Variants in MACROD2 observed in about 807,000 individuals in gnomAD.
The protein encoded by MACROD2 is mono-ADP ribosylhydrolase 2.
MACROD2 carries 36 observed loss-of-function variants against 70.4 expected under a neutral mutation model. The ratio of observed to expected loss-of-function variants is 0.51; its 90% CI spans 0.39 to 0.68. The LOEUF is 0.68. MACROD2 is among the 30% of genes least tolerant of loss of function. The pLI is 0.00. For synonymous variants in MACROD2, 172 were observed against 178.8 expected, an observed-to-expected ratio of 0.96 and a Z score of 0.30; for missense variants, 496 against 538.4, an observed-to-expected ratio of 0.92 and a Z score of 0.78.
chr20:15,748,292 G>A (rs916585410), intron 8 of MACROD2, among the ~76,000 whole-genome samples: 1 of 152,076 alleles, frequency 6.6e-6, no homozygotes, highest in African/African-American at 2.4e-5. Context: ...CAGGCTCTGA[G>A]TTCAAATACA....
chr20:14,895,006 A>G (rs2073810854), intron 5 of MACROD2: 1 of 152,192 alleles, frequency 6.6e-6, no homozygotes, highest in Admixed American at 6.5e-5. Flanking sequence ...TTGTGAATTT[A>G]AGAGCATAGA....
chr20:14,027,955 G>T (rs1018564401), intron 2 of MACROD2, among the ~76,000 whole-genome samples: 1 of 152,190 alleles, frequency 6.6e-6, no homozygotes, highest in African/African-American at 2.4e-5. Context: ...TGGGAGATCC[G>T]CTGCTCTCTT....
intron 3 of MACROD2, among the ~76,000 whole-genome samples, chr20:14,268,040 T>C (rs1317586272): frequency 6.6e-6 from 1 of 152,074 alleles, no homozygotes; most frequent in African/African-American, 2.4e-5. Flanking sequence ...ATAATTCAAA[T>C]ATATACAAAA....
Position 15,992,568 on chromosome 20 carries a change from A to G in MACROD2, c.1153+5410A>G, listed in dbSNP as rs143532230. The stretch of plus-strand genomic sequence containing the variant: ...GTGAATGTTAGGGTCAATACTTGTA[A>G]TTAACTTGTGCTTGCCCATCTGGGG... On this transcript the variant is annotated intron_variant, in intron 15 of 17. Transcript: ENST00000684519. Among the ~76,000 whole-genome samples, 524 of 152,282 alleles carry G rather than the reference A, an allele frequency of 3.4e-3. 5 individuals carry two copies. The highest frequency in any genetic ancestry group is 0.012 in the African/African-American group (498 of 41,566).
intron 12 of MACROD2, among the ~76,000 whole-genome samples, chr20:15,952,642 T>C (rs1212911932): frequency 6.6e-6 from 1 of 152,174 alleles, no homozygotes; most frequent in African/African-American, 2.4e-5. Context: ...CACAGTATTG[T>C]CCATGGTCAA....
chr20:14,941,321 A>G (rs1256062838), intron 5 of MACROD2, among the ~76,000 whole-genome samples: 2 of 151,696 alleles, frequency 1.3e-5, no homozygotes, highest in Non-Finnish European at 2.9e-5. Flanking sequence ...GTCCTGCCTC[A>G]CCTCTTTTTC....
At chr20:14,685,857 G>A (rs1018288482) in intron 5 of MACROD2, among the ~76,000 whole-genome samples, 5 of 152,136 alleles carry the variant, frequency 3.3e-5, no homozygotes, top group Non-Finnish European at 5.9e-5. Flanking sequence ...AAATATGAAT[G>A]AAAATTTATA....
At chr20:15,675,489 G>A (rs1046734399) in intron 8 of MACROD2, among the ~76,000 whole-genome samples, 1 of 152,158 alleles carries the variant, frequency 6.6e-6, no homozygotes, top group African/African-American at 2.4e-5. Context: ...AATTTTCAGA[G>A]TTCTTCAATG....
chr20:15,230,303 A>T (rs1302509625), intron 6 of MACROD2, among the ~76,000 whole-genome samples: 2 of 152,178 alleles, frequency 1.3e-5, no homozygotes, highest in Non-Finnish European at 1.5e-5. Flanking sequence ...TATCTTATCT[A>T]CTTTTTCCTC....
At chr20:15,587,048 T>C (rs182348987) in intron 8 of MACROD2, among the ~76,000 whole-genome samples, 9 of 152,326 alleles carry the variant, frequency 5.9e-5, no homozygotes, top group East Asian at 1.9e-4. Context: ...AAATACTATA[T>C]TAGTCCGTTT....
chr20:14,450,379 C>A (rs2084232103), intron 3 of MACROD2, among the ~76,000 whole-genome samples: 1 of 151,990 alleles, frequency 6.6e-6, no homozygotes, highest in African/African-American at 2.4e-5. Flanking sequence ...TGTTAGACTG[C>A]ACACACTGAA....
At chr20:15,979,270 A>T (rs1245460348) in intron 13 of MACROD2, among the ~76,000 whole-genome samples, 1 of 152,138 alleles carries the variant, frequency 6.6e-6, no homozygotes, top group East Asian at 1.9e-4. Context: ...TCCATTCAGG[A>T]TCTAGACGAA....
At chr20:15,197,070 G>A (rs1476034598) in intron 5 of MACROD2, 8 of 964,696 alleles carry the variant, frequency 8.3e-6, no homozygotes, top group Non-Finnish European at 9.9e-6. Context: ...TCCTTATAAG[G>A]TCCTCTTCAT....
chr20:14,100,635 T>A (rs909254263), intron 3 of MACROD2, among the ~76,000 whole-genome samples: 14 of 141,704 alleles, frequency 9.9e-5, no homozygotes, highest in East Asian at 7.9e-4. Context: ...AATATATATT[T>A]TTTTTATTTT....
intron 3 of MACROD2, among the ~76,000 whole-genome samples, chr20:14,259,232 T>G (rs915233193): frequency 1.3e-5 from 2 of 152,190 alleles, no homozygotes; most frequent in African/African-American, 2.4e-5. Context: ...AAAGATTTCT[T>G]TAATGTCACC....
At chr20:15,788,552 GA>G (rs2147051975) in intron 8 of MACROD2, among the ~76,000 whole-genome samples, 1 of 152,284 alleles carries the variant, frequency 6.6e-6, no homozygotes, top group South Asian at 2.1e-4. Flanking sequence ...AGTGAAGGTG[GA>G]AAAATGTGTT....
intron 15 of MACROD2, among the ~76,000 whole-genome samples, chr20:16,036,230 G>A (rs1461736456): frequency 1.3e-5 from 2 of 151,788 alleles, no homozygotes; most frequent in African/African-American, 2.4e-5. Flanking sequence ...TCTATTTGTT[G>A]TGTGAAGTTT....
intron 8 of MACROD2, among the ~76,000 whole-genome samples, chr20:15,668,593 A>C (rs185586232): frequency 1.3e-5 from 2 of 150,174 alleles, no homozygotes; most frequent in East Asian, 3.9e-4. Flanking sequence ...AATAAAAATC[A>C]TAGGTGATGC....
chr20:15,438,151 G>A (rs2327918), intron 7 of MACROD2, among the ~76,000 whole-genome samples: 96,587 of 151,016 alleles, frequency 0.64, 31,702 homozygotes, highest in African/African-American at 0.78. Flanking sequence ...ACAAAACTCC[G>A]TAAAAAAAAA....
Sources: gnomAD v4.1 joint callset for allele counts (sites outside exome capture counted in the v4.1 genomes callset) on GRCh38, gnomAD v4.1.1 for gene constraint, MANE v1.5 for transcripts, NCBI Gene and HGNC (gene_info 2026-07-23, HGNC 2026-07-21) for gene names.